The following ZFPM2 variants were observed in gnomAD, a reference collection of about 807,000 sequenced individuals.
ZFPM2 encodes zinc finger protein, FOG family member 2.
Under a neutral mutation model 98.6 loss-of-function variants are expected in ZFPM2, and 20 were observed. That is an observed-to-expected ratio of 0.20 (90% confidence interval 0.14 to 0.29). The LOEUF is 0.29. ZFPM2 is among the 10% of genes least tolerant of loss of function. The probability of loss-of-function intolerance (pLI) is 1.00; values close to 1 mark genes in which losing one functional copy is unlikely to be tolerated. For missense variants in ZFPM2, 1,310 were observed against 1,388.6 expected, an observed-to-expected ratio of 0.94 and a Z score of 0.90; for synonymous variants, 518 against 502.7, an observed-to-expected ratio of 1.03 and a Z score of -0.41.
rs1262839324 is a variant in ZFPM2, at chr8:105,378,021, A to T, written c.41-41123A>T. 1.1e-4 allele frequency among the ~76,000 whole-genome samples: 16 copies of T among 152,296 alleles called. No individual in the cohort carries two copies. The East Asian group carries it at 2.9e-3, about 28-fold the overall frequency. On this transcript the variant is annotated intron_variant, in intron 1 of 7. Coordinates refer to ENST00000407775, the MANE Select transcript of ZFPM2 (RefSeq NM_012082.4). Reference sequence around the variant, plus strand: ...AAGGATGACTGCTGTGATGGATGTGAAAAGAAGAGGATTCAAATTATTGCC... The same window carrying T: ...AAGGATGACTGCTGTGATGGATGTGTAAAGAAGAGGATTCAAATTATTGCC...
At position 105,602,034 on chromosome 8, in the gene ZFPM2, A is replaced by G. The variant is rs1222970088; in HGVS notation, c.421-32212A>G. Reference sequence around the variant, plus strand: ...CTTCATTCTCCTTCCTCTCACGTCCAACTGCTCCTTCAGTAGACAGAAGCT... The same window carrying G: ...CTTCATTCTCCTTCCTCTCACGTCCGACTGCTCCTTCAGTAGACAGAAGCT... On this transcript the variant is annotated intron_variant, in intron 4 of 7. Coordinates refer to ENST00000407775, the MANE Select transcript of ZFPM2 (RefSeq NM_012082.4). 4.6e-5 allele frequency among the ~76,000 whole-genome samples: 7 copies of G among 152,016 alleles called. No individual in the cohort carries two copies. In the South Asian group the frequency reaches 8.3e-4, roughly 18 times the overall value.
chr8:105,778,894 C>CTTT (rs58159246), intron 5 of ZFPM2, among the ~76,000 whole-genome samples: 1 of 132,378 alleles, frequency 7.6e-6, no homozygotes, highest in East Asian at 2.2e-4. Context: ...AAACTGTCAT[C>CTTT]TTTTTTTTTT....
chr8:105,663,237 G>A (rs778165688), intron 5 of ZFPM2, among the ~76,000 whole-genome samples: 17 of 152,264 alleles, frequency 1.1e-4, no homozygotes, highest in East Asian at 1.9e-4. Context: ...TAGTCGTGGG[G>A]GGCAAGGGAG....
intron 3 of ZFPM2, among the ~76,000 whole-genome samples, chr8:105,552,743 A>C (rs1211674108): frequency 6.6e-6 from 1 of 151,926 alleles, no homozygotes; most frequent in African/African-American, 2.4e-5. Context: ...CTGAATATAA[A>C]ACTTATTTTG....
intron 5 of ZFPM2, among the ~76,000 whole-genome samples, chr8:105,696,102 G>A (rs535168348): frequency 5.9e-5 from 9 of 152,276 alleles, no homozygotes; most frequent in Middle Eastern, 6.8e-3. Context: ...ATAACAGTAG[G>A]CACACATGGA....
intron 3 of ZFPM2, among the ~76,000 whole-genome samples, chr8:105,449,900 A>T (rs1253120147): frequency 6.6e-6 from 1 of 152,132 alleles, no homozygotes; most frequent in Non-Finnish European, 1.5e-5. Flanking sequence ...CCTTACATGT[A>T]ATAAGTCCTT....
intron 5 of ZFPM2, among the ~76,000 whole-genome samples, chr8:105,665,261 C>T (rs1392082318): frequency 2.0e-5 from 3 of 152,132 alleles, no homozygotes; most frequent in East Asian, 1.9e-4. Flanking sequence ...AAACACCTTT[C>T]ACTAGGGCCC....
At chr8:105,407,653 G>A (rs1811489249) in intron 1 of ZFPM2, among the ~76,000 whole-genome samples, 1 of 151,890 alleles carries the variant, frequency 6.6e-6, no homozygotes, top group Non-Finnish European at 1.5e-5. Context: ...ATTTTTTTCA[G>A]TTCAAGTAAG....
intron 3 of ZFPM2, among the ~76,000 whole-genome samples, chr8:105,537,155 G>A (rs1483861717): frequency 1.3e-5 from 2 of 152,080 alleles, no homozygotes; most frequent in Non-Finnish European, 2.9e-5. Flanking sequence ...TGTAATTAGA[G>A]TCTTAATCCA....
intron 1 of ZFPM2, chr8:105,418,449 C>T (rs530006266): frequency 2.2e-5 from 10 of 449,212 alleles, no homozygotes; most frequent in African/African-American, 1.2e-4. Context: ...TAATGTAGCG[C>T]ACCTCACTCT....
At chr8:105,381,395 G>A (rs1231631331) in intron 1 of ZFPM2, among the ~76,000 whole-genome samples, 4 of 152,048 alleles carry the variant, frequency 2.6e-5, no homozygotes, top group Admixed American at 6.6e-5. Flanking sequence ...TTGATTGATA[G>A]TTAAGAATTT....
At chr8:105,627,079 C>G (rs1269345348) in intron 4 of ZFPM2, among the ~76,000 whole-genome samples, 1 of 152,082 alleles carries the variant, frequency 6.6e-6, no homozygotes, top group Non-Finnish European at 1.5e-5. Flanking sequence ...AACATTATGT[C>G]ACCAGTTTCT....
chr8:105,538,426 C>T (rs61494967), intron 3 of ZFPM2, among the ~76,000 whole-genome samples: 4,330 of 152,094 alleles, frequency 0.028, 214 homozygotes, highest in African/African-American at 0.099. Flanking sequence ...GGCTGGTAGA[C>T]GTTATGTTTA....
At chr8:105,761,021 G>A (rs1331290574) in intron 5 of ZFPM2, among the ~76,000 whole-genome samples, 1 of 151,926 alleles carries the variant, frequency 6.6e-6, no homozygotes, top group Admixed American at 6.6e-5. Context: ...GCCTAAAAAG[G>A]ACCAAGTTAT....
At chr8:105,552,690 G>A (rs1324364474) in intron 3 of ZFPM2, among the ~76,000 whole-genome samples, 2 of 151,762 alleles carry the variant, frequency 1.3e-5, no homozygotes, top group East Asian at 1.9e-4. Flanking sequence ...AGAGCAAAGG[G>A]CAGAATATGG....
At chr8:105,512,187 G>T (rs1435368449) in intron 3 of ZFPM2, among the ~76,000 whole-genome samples, 2 of 152,150 alleles carry the variant, frequency 1.3e-5, no homozygotes, top group African/African-American at 4.8e-5. Context: ...GAAATGAGCT[G>T]AAGACATTGG....
In ZFPM2 at chr8:105,768,259, A is replaced by G. The variant is rs182624540; in HGVS notation, c.533-20459A>G. ...CAAAAAATAAAATGACCTCCTAGATATAACACTATTAATAAAACTAAGTCC... is the reference window on the plus strand; with the variant it reads ...CAAAAAATAAAATGACCTCCTAGATGTAACACTATTAATAAAACTAAGTCC... On this transcript the variant is annotated intron_variant, in intron 5 of 7. Coordinates refer to ENST00000407775, the MANE Select transcript of ZFPM2 (RefSeq NM_012082.4). Among the ~76,000 whole-genome samples the G allele has an allele frequency of 2.7e-4, 41 of 152,086 alleles. 1 individual carries two copies. Among genetic ancestry groups the G allele is most frequent in the Admixed American group, 2.6e-3 (39 of 15,228 alleles).
chr8:105,653,970 C>T (rs112468880), intron 5 of ZFPM2, among the ~76,000 whole-genome samples: 135 of 140,188 alleles, frequency 9.6e-4, no homozygotes, highest in East Asian at 3.7e-3. Context: ...AATGGGAACA[C>T]TTATTGCTAT....
chr8:105,681,238 G>C (rs7840372), intron 5 of ZFPM2, among the ~76,000 whole-genome samples: 68,002 of 151,776 alleles, frequency 0.45, 15,970 homozygotes, highest in African/African-American at 0.6. Flanking sequence ...TCTGCCCCAT[G>C]TCCTCATGTC....
Sources: gnomAD v4.1 joint callset for allele counts (sites outside exome capture counted in the v4.1 genomes callset) on GRCh38, gnomAD v4.1.1 for gene constraint, MANE v1.5 for transcripts, NCBI Gene and HGNC (gene_info 2026-07-23, HGNC 2026-07-21) for gene names.